HBS1L: variants seen among roughly 807,000 people sequenced by gnomAD.
HBS1L encodes the protein HBS1 like translational GTPase.
A neutral mutation model predicts 88.9 loss-of-function variants in HBS1L; 55 were observed. The ratio of observed to expected loss-of-function variants is 0.62; its 90% CI spans 0.50 to 0.77. HBS1L has a LOEUF of 0.77. Ranked by LOEUF, HBS1L falls within the 30% of genes least tolerant of loss-of-function variation. HBS1L has a pLI of 0.00. For synonymous variants in HBS1L, 267 were observed against 288.5 expected (o/e 0.93, Z 0.76); for missense variants, 741 against 829.3 (o/e 0.89, Z 1.31).
chr6:135,022,396 C>A (rs1011515291), intron 4 of HBS1L, among the ~76,000 whole-genome samples: 11 of 151,118 alleles, frequency 7.3e-5, no homozygotes, highest in African/African-American at 2.2e-4. Flanking sequence ...TAGATGGTAT[C>A]AGCTGTTCAT....
chr6:135,003,687 G>A (rs1775529585), intron 4 of HBS1L, among the ~76,000 whole-genome samples: 1 of 151,806 alleles, frequency 6.6e-6, no homozygotes, highest in East Asian at 1.9e-4. Flanking sequence ...CCAACACAGT[G>A]AAACCCCTCT....
At chr6:135,010,089 C>G (rs994340994) in intron 4 of HBS1L, among the ~76,000 whole-genome samples, 7 of 152,050 alleles carry the variant, frequency 4.6e-5, no homozygotes, top group Admixed American at 4.6e-4. Context: ...TTACCTTTTC[C>G]AAACCATTAA....
intron 3 of HBS1L, among the ~76,000 whole-genome samples, chr6:135,041,656 C>G (rs966284151): frequency 6.6e-6 from 1 of 152,038 alleles, no homozygotes; most frequent in African/African-American, 2.4e-5. Flanking sequence ...TTTATGTATT[C>G]TAATCATAAG....
At chr6:135,020,703 T>C (rs1263910689) in intron 4 of HBS1L, among the ~76,000 whole-genome samples, 1 of 152,050 alleles carries the variant, frequency 6.6e-6, no homozygotes, top group Non-Finnish European at 1.5e-5. Flanking sequence ...GTACTATAAG[T>C]CTTAAAAATG....
rs754231239 is a variant in HBS1L, at chr6:135,039,632, C to T, written c.371G>A (p.Arg124Lys). The change falls in exon 4 of 18, where the codon AGA becomes AAA. Residue 124 changes from arginine (R) to lysine (K), a missense_variant. This residue lies in a region of HBS1L where 556 missense variants were observed against 598.4 expected (regional missense o/e 0.93). Coordinates refer to ENST00000367837, the MANE Select transcript of HBS1L (RefSeq NM_006620.4). Reference sequence around the variant, plus strand: ...ATTCTTGTCCTTCAAACTCTGCACTCTATCTTGTTCCAGAACCCCTGACAA... The same window carrying T: ...ATTCTTGTCCTTCAAACTCTGCACTTTATCTTGTTCCAGAACCCCTGACAA... Reference protein sequence around the residue: ...KALSGVLEQDRVQSLKDKNEA... With the variant: ...KALSGVLEQDKVQSLKDKNEA... 3.1e-6 allele frequency: 5 copies of T among 1,614,152 alleles called. No homozygotes were observed. The South Asian group carries it at 3.3e-5, about 11-fold the overall frequency.
At chr6:135,027,799 A>T (rs571561895) in intron 4 of HBS1L, among the ~76,000 whole-genome samples, 1 of 148,568 alleles carries the variant, frequency 6.7e-6, no homozygotes, top group African/African-American at 2.5e-5. Context: ...AGACAGTCTC[A>T]CTCTGTCGCC....
chr6:135,015,670 C>T (rs1239330746), intron 4 of HBS1L, among the ~76,000 whole-genome samples: 1 of 147,076 alleles, frequency 6.8e-6, no homozygotes, highest in Non-Finnish European at 1.5e-5. Context: ...CAACCTCTGC[C>T]TCCCGGGTTC....
At chr6:135,014,851 C>CAAAAAAAAAAAAAAAAAAAAAAA in intron 4 of HBS1L, among the ~76,000 whole-genome samples, 1 of 85,380 alleles carries the variant, frequency 1.2e-5, no homozygotes, top group Non-Finnish European at 2.2e-5. Context: ...ACTGTCTCTA[C>CAAAAAAAAAAAAAAAAAAAAAAA]AAAAAAAAAA....
chr6:134,981,400 A>C (rs1001603253), intron 13 of HBS1L, among the ~76,000 whole-genome samples: 15 of 151,982 alleles, frequency 9.9e-5, no homozygotes, highest in African/African-American at 3.6e-4. Context: ...AAAAAGGTCA[A>C]ATGGAAATAA....
rs1373940890 is a variant in HBS1L, at chr6:134,982,336, T to C, written c.1597+122A>G. 4.6e-5 allele frequency: 29 copies of C among 628,078 alleles called. 1 individual carries two copies. The East Asian group carries it at 8.0e-4, about 17-fold the overall frequency. 38.9% of individuals were successfully genotyped at this position (628,078 alleles called of 1,614,324 possible). On this transcript the variant is annotated intron_variant, in intron 13 of 17. Transcript: ENST00000367837. Reference sequence around the variant, plus strand: ...TAATCTTCAACAGTCAGTATCATTTTGACAGTCAGTTACAATTTCAGTAAG... The same window carrying C: ...TAATCTTCAACAGTCAGTATCATTTCGACAGTCAGTTACAATTTCAGTAAG...
chr6:135,032,717 G>T (rs904978616), intron 4 of HBS1L, among the ~76,000 whole-genome samples: 1 of 152,040 alleles, frequency 6.6e-6, no homozygotes, highest in African/African-American at 2.4e-5. Flanking sequence ...ATCTTCAGTG[G>T]TTCCTTTTAC....
At chr6:134,971,853 T>C (rs780976262) in intron 15 of HBS1L, among the ~76,000 whole-genome samples, 18 of 152,122 alleles carry the variant, frequency 1.2e-4, no homozygotes, top group Admixed American at 6.5e-5. Flanking sequence ...ATAGGAACCA[T>C]ACTAATACAG....
chr6:135,048,928 TG>T (rs1205845262), intron 2 of HBS1L, among the ~76,000 whole-genome samples: 1 of 152,184 alleles, frequency 6.6e-6, no homozygotes, highest in Non-Finnish European at 1.5e-5. Context: ...AGAGTAGATA[TG>T]ATAAAGACAA....
intron 4 of HBS1L, chr6:135,036,434 T>G: frequency 7.4e-7 from 1 of 1,359,474 alleles, no homozygotes. Context: ...TATCAACTAA[T>G]CAACTGACCT....
At chr6:134,990,886 T>G (rs1775113830) in intron 8 of HBS1L, among the ~76,000 whole-genome samples, 1 of 152,174 alleles carries the variant, frequency 6.6e-6, no homozygotes, top group South Asian at 2.1e-4. Flanking sequence ...CTGTGGACTC[T>G]AAGGTCCTAG....
At chr6:135,040,391 C>A (rs1255354876) in intron 3 of HBS1L, among the ~76,000 whole-genome samples, 1 of 134,840 alleles carries the variant, frequency 7.4e-6, no homozygotes, top group East Asian at 2.2e-4. Context: ...CACTCTGTTG[C>A]CCAGGCTGGA....
chr6:135,042,916 C>T (rs1776790514), intron 2 of HBS1L, among the ~76,000 whole-genome samples: 1 of 151,686 alleles, frequency 6.6e-6, no homozygotes, highest in African/African-American at 2.4e-5. Flanking sequence ...AATCTTTAAA[C>T]AACTCATGCT....
chr6:134,977,988 C>T (rs748693017), intron 15 of HBS1L, among the ~76,000 whole-genome samples: 44 of 152,114 alleles, frequency 2.9e-4, no homozygotes, highest in Non-Finnish European at 5.4e-4. Context: ...TCTCCCTCTT[C>T]CCATAAAATG....
chr6:134,988,311 C>T (rs1243843744), intron 8 of HBS1L, among the ~76,000 whole-genome samples: 4 of 151,846 alleles, frequency 2.6e-5, no homozygotes, highest in African/African-American at 7.2e-5. Context: ...TGCAGTGAGT[C>T]GAGATCGCCC....
Sources: gnomAD v4.1 joint callset for allele counts (sites outside exome capture counted in the v4.1 genomes callset) on GRCh38, gnomAD v4.1.1 for gene constraint, gnomAD v4.1.1 regional missense constraint, MANE v1.5 for transcripts, NCBI Gene and HGNC (gene_info 2026-07-23, HGNC 2026-07-21) for gene names.